Variants in JAZF1 observed in about 807,000 individuals in gnomAD.
JAZF1 encodes juxtaposed with another zinc finger protein 1.
A neutral mutation model predicts 26.4 loss-of-function variants in JAZF1; 8 were observed. That is an observed-to-expected ratio of 0.30 (90% CI 0.18 to 0.55). JAZF1 has a LOEUF of 0.55. Ranked by LOEUF, JAZF1 falls within the 20% of genes least tolerant of loss-of-function variation. The pLI, the probability that JAZF1 is intolerant of heterozygous loss-of-function variation, is 0.94. For missense variants in JAZF1, 199 were observed against 322.0 expected, an observed-to-expected ratio of 0.62 and a Z score of 2.92; for synonymous variants, 126 against 122.3, an observed-to-expected ratio of 1.03 and a Z score of -0.20.
intron 1 of JAZF1, among the ~76,000 whole-genome samples, chr7:28,090,438 A>G (rs1056015304): frequency 3.9e-5 from 6 of 152,252 alleles, no homozygotes; most frequent in Non-Finnish European, 8.8e-5. Context: ...AACTTTAAAC[A>G]TTATTAAATC....
intron 1 of JAZF1, among the ~76,000 whole-genome samples, chr7:28,005,992 G>A (rs151254622): frequency 8.6e-4 from 131 of 152,154 alleles, no homozygotes; most frequent in Non-Finnish European, 1.6e-3. Flanking sequence ...AGATAAAGAT[G>A]ACAGTGACTC....
At chr7:28,127,785 G>A (rs1583575325) in intron 1 of JAZF1, among the ~76,000 whole-genome samples, 1 of 152,058 alleles carries the variant, frequency 6.6e-6, no homozygotes, top group African/African-American at 2.4e-5. Context: ...TTCTTCACAC[G>A]GCAATAGCAA....
At chr7:28,097,738 A>T (rs1004745053) in intron 1 of JAZF1, among the ~76,000 whole-genome samples, 4 of 152,168 alleles carry the variant, frequency 2.6e-5, no homozygotes, top group African/African-American at 9.7e-5. Context: ...CGGGGAGCTA[A>T]AAAGAAAGGT....
chr7:27,982,567 T>A (rs1457729536), intron 2 of JAZF1, among the ~76,000 whole-genome samples: 1 of 152,190 alleles, frequency 6.6e-6, no homozygotes, highest in African/African-American at 2.4e-5. Context: ...TTCTGCAGAC[T>A]TAAACGTCCC....
intron 1 of JAZF1, among the ~76,000 whole-genome samples, chr7:27,994,169 G>T (rs1785964833): frequency 6.6e-6 from 1 of 152,066 alleles, no homozygotes; most frequent in South Asian, 2.1e-4. Flanking sequence ...TGGGAAATGG[G>T]AAGGAAGTAT....
chr7:28,043,448 G>C (rs773996966), intron 1 of JAZF1, among the ~76,000 whole-genome samples: 4 of 152,120 alleles, frequency 2.6e-5, no homozygotes, highest in Non-Finnish European at 5.9e-5. Context: ...TTTCTTGGGG[G>C]CTACTTTTTA....
chr7:27,888,684 G>T (rs749217531), intron 3 of JAZF1, among the ~76,000 whole-genome samples: 12 of 152,092 alleles, frequency 7.9e-5, no homozygotes, highest in Non-Finnish European at 1.6e-4. Context: ...ATAAAGAAAT[G>T]TTTCTTAAAA....
intron 1 of JAZF1, among the ~76,000 whole-genome samples, chr7:28,068,006 C>T (rs1307701269): frequency 2.6e-5 from 4 of 152,262 alleles, no homozygotes; most frequent in Admixed American, 2.0e-4. Flanking sequence ...CTCCACCTCC[C>T]GGGTTCAAGT....
At chr7:28,127,570 A>C (rs909185448) in intron 1 of JAZF1, among the ~76,000 whole-genome samples, 1 of 152,342 alleles carries the variant, frequency 6.6e-6, no homozygotes, top group East Asian at 1.9e-4. Flanking sequence ...AAAGTGCCAA[A>C]AAGTTTTATT....
chr7:27,998,140 G>T (rs768500349), intron 1 of JAZF1, among the ~76,000 whole-genome samples: 6 of 151,870 alleles, frequency 4.0e-5, no homozygotes, highest in African/African-American at 1.2e-4. Context: ...GGGAAGTTAA[G>T]TGACATGTTT....
At chr7:28,117,536 T>C (rs1461213357) in intron 1 of JAZF1, among the ~76,000 whole-genome samples, 1 of 152,196 alleles carries the variant, frequency 6.6e-6, no homozygotes, top group East Asian at 1.9e-4. Context: ...TTTATCTGAA[T>C]GGTATGAGAT....
At chr7:28,061,710 G>GTATTTAC in intron 1 of JAZF1, among the ~76,000 whole-genome samples, 1 of 152,142 alleles carries the variant, frequency 6.6e-6, no homozygotes, top group South Asian at 2.1e-4. Context: ...TTCAGGCCCA[G>GTATTTAC]AATGGCCGTA....
chr7:27,887,088 C>T (rs562782515), intron 3 of JAZF1, among the ~76,000 whole-genome samples: 16 of 151,792 alleles, frequency 1.1e-4, no homozygotes, highest in Admixed American at 2.6e-4. Context: ...TGGACACATA[C>T]GGGAAATTAT....
chr7:28,036,943 G>A (rs1783304429), intron 1 of JAZF1, among the ~76,000 whole-genome samples: 1 of 152,202 alleles, frequency 6.6e-6, no homozygotes, highest in Non-Finnish European at 1.5e-5. Context: ...AGGTACAGCA[G>A]ATGCCAATCT....
chr7:28,042,154 G>T (rs577878959), intron 1 of JAZF1, among the ~76,000 whole-genome samples: 155 of 152,368 alleles, frequency 1.0e-3, no homozygotes, highest in African/African-American at 3.6e-3. Context: ...TAAGAGGGCT[G>T]AGAGATGGTG....
At position 28,180,622 on chromosome 7, in the gene JAZF1, G is replaced by A. The variant is rs564663065; in HGVS notation, c.-45C>T. The stretch of plus-strand genomic sequence containing the variant: ...CCCTGGTGTCGGCTCTGCGAGCGCC[G>A]GGCGGGCGAGGGAGGGAGGGAGGCC... On this transcript the variant is annotated 5_prime_UTR_variant, in exon 1 of 5. Coordinates refer to ENST00000283928, the MANE Select transcript of JAZF1 (RefSeq NM_175061.4). 3 of 1,510,686 alleles carry A rather than the reference G, an allele frequency of 2.0e-6. No homozygotes were observed. The highest frequency in any genetic ancestry group is 1.1e-5 in the South Asian group (1 of 87,028). 93.6% of individuals were successfully genotyped at this position (1,510,686 alleles called of 1,614,324 possible).
chr7:27,979,317 A>G (rs1785533401), intron 2 of JAZF1, among the ~76,000 whole-genome samples: 1 of 140,350 alleles, frequency 7.1e-6, no homozygotes, highest in African/African-American at 2.6e-5. Flanking sequence ...ATAAAAGCAT[A>G]TTTTGCAGAA....
chr7:27,908,430 G>A (rs1784300953), intron 2 of JAZF1, among the ~76,000 whole-genome samples: 3 of 152,106 alleles, frequency 2.0e-5, no homozygotes, highest in African/African-American at 7.2e-5. Flanking sequence ...AAGTCTCATG[G>A]GTTTTGGGGG....
intron 1 of JAZF1, among the ~76,000 whole-genome samples, chr7:28,056,474 AC>A (rs773404177): frequency 0.03 from 3,257 of 109,012 alleles, 50 homozygotes; most frequent in Middle Eastern, 0.059. Flanking sequence ...ACACACACAC[AC>A]AATAAGAAAG....
Sources: allele counts gnomAD v4.1 joint callset (sites outside exome capture counted in the v4.1 genomes callset), GRCh38; gene constraint gnomAD v4.1.1; transcripts MANE v1.5; gene names NCBI Gene and HGNC (gene_info 2026-07-23, HGNC 2026-07-21).